The following MYO5A variants were observed in gnomAD, a reference collection of about 807,000 sequenced individuals.
MYO5A encodes the protein myosin VA, also known as unconventional myosin-Va.
MYO5A carries 98 observed loss-of-function variants against 249.7 expected under a neutral mutation model. The observed-to-expected ratio is 0.39, with a 90% CI of 0.33 to 0.46. MYO5A has a LOEUF of 0.46. MYO5A is among the 20% of genes least tolerant of loss of function. MYO5A has a pLI of 0.98. For missense variants in MYO5A, 1,696 were observed against 2,308.8 expected, an observed-to-expected ratio of 0.73 and a Z score of 5.44; for synonymous variants, 778 against 810.6, an observed-to-expected ratio of 0.96 and a Z score of 0.68.
chr15:52,451,152 T>C (rs2076013192), intron 1 of MYO5A, among the ~76,000 whole-genome samples: 1 of 152,136 alleles, frequency 6.6e-6, no homozygotes, highest in Non-Finnish European at 1.5e-5. Flanking sequence ...TCTTTTTAAA[T>C]ATGTCCTTCC....
intron 1 of MYO5A, among the ~76,000 whole-genome samples, chr15:52,523,718 G>A (rs1209170664): frequency 6.6e-6 from 1 of 152,156 alleles, no homozygotes; most frequent in East Asian, 1.9e-4. Flanking sequence ...AAAAAGATAC[G>A]GAGGTTTCCA....
chr15:52,398,245 A>G (rs2042575395), intron 9 of MYO5A, among the ~76,000 whole-genome samples: 1 of 152,144 alleles, frequency 6.6e-6, no homozygotes, highest in Non-Finnish European at 1.5e-5. Flanking sequence ...TTATATTAGA[A>G]TGACTTCCAT....
intron 1 of MYO5A, among the ~76,000 whole-genome samples, chr15:52,451,228 C>G (rs2076014643): frequency 6.6e-6 from 1 of 152,134 alleles, no homozygotes; most frequent in Non-Finnish European, 1.5e-5. Flanking sequence ...AAAACTGATA[C>G]TCAGGACTTC....
Position 52,376,360 on chromosome 15 carries a change from A to G in MYO5A, c.2407T>C (p.Tyr803His), listed in dbSNP as rs1432950583. ...AITMQRYVRG[Y>H]QARCYAKFLR... is the part of the protein sequence containing the mutation. ...CAGGAGACCTACCATCGGGCCTGGT[A>G]GCCCCGCACGTATCTCTGCATGGTG... The change falls in exon 19 of 42, where the codon TAC becomes CAC. Residue 803 changes from tyrosine (Y) to histidine (H), a missense_variant. By Grantham distance (83) the Tyr-to-His change is moderately conservative (BLOSUM62 2). This residue lies in a region of MYO5A where 412 missense variants were observed against 453.3 expected (regional missense o/e 0.91). Transcript: ENST00000399233. 6.2e-7 allele frequency: 1 copy of G among 1,613,960 alleles called. No individual in the cohort carries two copies. The highest frequency in any genetic ancestry group is 8.5e-7 in the Non-Finnish European group (1 of 1,180,032).
intron 11 of MYO5A, 61 bp from the exon 12 acceptor site, chr15:52,392,131 A>G: frequency 6.7e-7 from 1 of 1,489,162 alleles, no homozygotes; most frequent in Non-Finnish European, 9.2e-7. Flanking sequence ...AATGTAGTCA[A>G]GATGATACCA....
Position 52,364,652 on chromosome 15 carries a change from G to A in MYO5A, c.3211C>T (p.Leu1071Phe), listed in dbSNP as rs2040722737. Residue 1071 changes from leucine to phenylalanine, a missense_variant, in exon 24 of 42, where the codon CTT becomes TTT. Physicochemically the swap from Leu to Phe is conservative, Grantham distance 22. Around this residue, in one of 5 missense-constraint regions of MYO5A, gnomAD observed 412 missense variants for 453.3 expected, o/e 0.91. Coordinates refer to ENST00000399233, the MANE Select transcript of MYO5A (RefSeq NM_001382347.1). Reference protein sequence around the residue: ...VEETKQLELDLNDERLRYQNL... With the variant: ...VEETKQLELDFNDERLRYQNL... ...TGATATCTCAGCCTTTCATCATTAA[G>A]GTCGAGTTCCAGTTGTTTCGTTTCT... The A allele has an allele frequency of 1.2e-6, 2 of 1,613,670 alleles. No individual in the cohort carries two copies. Among genetic ancestry groups the A allele is most frequent in the Admixed American group, 1.7e-5 (1 of 59,982 alleles).
intron 22 of MYO5A, among the ~76,000 whole-genome samples, chr15:52,368,706 A>C (rs1014905081): frequency 6.6e-6 from 1 of 152,206 alleles, no homozygotes; most frequent in Non-Finnish European, 1.5e-5. Flanking sequence ...GGAGTTCAAG[A>C]CCAGCCTACA....
intron 22 of MYO5A, 105 bp from the exon 23 acceptor site, chr15:52,367,229 T>C: frequency 3.1e-6 from 3 of 972,860 alleles, no homozygotes. Context: ...ACCACCTCTG[T>C]GCTCCCTGTC....
In MYO5A at chr15:52,384,195, A is replaced by G. The variant is rs16964944; in HGVS notation, c.1880T>C (p.Met627Thr). 0.015 allele frequency: 24,514 copies of G among 1,614,044 alleles called. 1,457 individuals are homozygous for G. In the African/African-American group the frequency reaches 0.17, roughly 12 times the overall value. Residue 627 changes from methionine to threonine, a missense_variant, in exon 15 of 42, where the codon ATG becomes ACG. By Grantham distance (81) the Met-to-Thr change is moderately conservative. Around this residue, in one of 5 missense-constraint regions of MYO5A, gnomAD observed 277 missense variants for 422.4 expected, o/e 0.66. Coordinates refer to ENST00000399233, the MANE Select transcript of MYO5A (RefSeq NM_001382347.1). Reference sequence around the variant, plus strand: ...CACTGTTTTCTTGTGCTCTTTGGCCATTTGGCCTGGTCTGCCTTTGGTGGG... The same window carrying G: ...CACTGTTTTCTTGTGCTCTTTGGCCGTTTGGCCTGGTCTGCCTTTGGTGGG... ...AKPTKGRPGQ[M>T]AKEHKKTVGH... is the part of the protein sequence containing the mutation.
intron 12 of MYO5A, among the ~76,000 whole-genome samples, chr15:52,390,556 T>C (rs949534285): frequency 2.0e-5 from 3 of 149,534 alleles, no homozygotes; most frequent in Admixed American, 6.6e-5. Context: ...CTCTTTTTTT[T>C]TTTCTTTTTT....
intron 1 of MYO5A, among the ~76,000 whole-genome samples, chr15:52,458,763 T>TAAAAAC (rs2076171236): frequency 6.6e-6 from 1 of 151,242 alleles, no homozygotes; most frequent in East Asian, 1.9e-4. Context: ...TAAATAAATA[T>TAAAAAC]AAAAACAAAA....
intron 20 of MYO5A, among the ~76,000 whole-genome samples, chr15:52,374,436 G>C (rs2041292801): frequency 6.6e-6 from 1 of 152,202 alleles, no homozygotes; most frequent in South Asian, 2.1e-4. Flanking sequence ...AGGAAATTAG[G>C]TGCTAATCCC....
At chr15:52,338,249 A>G (rs2039217118) in intron 32 of MYO5A, among the ~76,000 whole-genome samples, 2 of 133,026 alleles carry the variant, frequency 1.5e-5, no homozygotes, top group South Asian at 4.7e-4. Context: ...TTTTGCCGCC[A>G]GCAGCAGTGG....
At chr15:52,413,330 T>C (rs774953513) in intron 5 of MYO5A, among the ~76,000 whole-genome samples, 46 of 151,092 alleles carry the variant, frequency 3.0e-4, no homozygotes, top group Non-Finnish European at 5.9e-4. Context: ...AAAGTTTCAG[T>C]GTGCTATTCC....
chr15:52,420,817 G>C (rs1294448699), intron 4 of MYO5A, among the ~76,000 whole-genome samples: 2 of 152,194 alleles, frequency 1.3e-5, no homozygotes, highest in Non-Finnish European at 2.9e-5. Flanking sequence ...TGAGGGAATA[G>C]ATCTGTTAGA....
At chr15:52,315,645 AT>A (rs1236922572) in intron 40 of MYO5A, among the ~76,000 whole-genome samples, 1 of 150,340 alleles carries the variant, frequency 6.7e-6, no homozygotes, top group East Asian at 2.0e-4. Context: ...AAGTGCTGGG[AT>A]TACAGGTGTG....
chr15:52,379,852 A>G lies in MYO5A; in HGVS notation c.2069T>C (p.Ile690Thr), dbSNP rs776290728. 1.2e-6 allele frequency: 2 copies of G among 1,614,034 alleles called. No homozygotes were observed. The highest frequency in any genetic ancestry group is 2.7e-5 in the African/African-American group (2 of 74,916). Reference sequence around the variant, plus strand: ...GGGGAAACCGGCCGCACTGATTCGGATGGTTTCCAGGACACCACATGCTCT... The same window carrying G: ...GGGGAAACCGGCCGCACTGATTCGGGTGGTTTCCAGGACACCACATGCTCT... ...QLRACGVLET[I>T]RISAAGFPSR... is the part of the protein sequence containing the mutation. The change falls in exon 17 of 42, where the codon ATC becomes ACC. Residue 690 changes from isoleucine (I) to threonine (T), a missense_variant. This residue lies in a region of MYO5A where 277 missense variants were observed against 422.4 expected (regional missense o/e 0.66). Transcript: ENST00000399233.
At chr15:52,316,951 T>G (rs2038051293) in intron 40 of MYO5A, 97 bp downstream of exon 40, 1 of 1,330,624 alleles carries the variant, frequency 7.5e-7, no homozygotes, top group Non-Finnish European at 1.1e-6. Flanking sequence ...TGAAGTCAGC[T>G]CAGAGATACA....
chr15:52,495,474 A>T (rs959837225), intron 1 of MYO5A, among the ~76,000 whole-genome samples: 1 of 148,822 alleles, frequency 6.7e-6, no homozygotes, highest in Admixed American at 6.7e-5. Flanking sequence ...CCAGAGATCT[A>T]TTGTACTTCA....
Sources: allele counts gnomAD v4.1 joint callset (sites outside exome capture counted in the v4.1 genomes callset), GRCh38; gene constraint gnomAD v4.1.1; regional missense constraint gnomAD v4.1.1; transcripts MANE v1.5; gene names NCBI Gene and HGNC (gene_info 2026-07-23, HGNC 2026-07-21).